STX8: variants seen among roughly 807,000 people sequenced by gnomAD.
STX8 encodes the protein syntaxin 8.
STX8 carries 23 observed loss-of-function variants against 37.5 expected under a neutral mutation model. The ratio of observed to expected loss-of-function variants is 0.61; its 90% CI spans 0.44 to 0.87. The LOEUF is 0.87. Among genes scored for constraint, STX8 ranks in the 40% least tolerant of loss-of-function variants. The pLI is 0.00. For missense variants in STX8, 313 were observed against 284.7 expected, an observed-to-expected ratio of 1.10 and a Z score of -0.71; for synonymous variants, 115 against 99.1, an observed-to-expected ratio of 1.16 and a Z score of -0.95.
intron 6 of STX8, among the ~76,000 whole-genome samples, chr17:9,396,319 G>A (rs1052304929): frequency 2.0e-5 from 3 of 148,566 alleles, no homozygotes; most frequent in African/African-American, 7.5e-5. Flanking sequence ...GTTGCCAGGA[G>A]TTTGGGAGAA....
chr17:9,397,960 C>G (rs1404744967), intron 6 of STX8, among the ~76,000 whole-genome samples: 4 of 146,944 alleles, frequency 2.7e-5, no homozygotes, highest in African/African-American at 1.0e-4. Context: ...TGCACTCCAG[C>G]CTGGGGGACA....
intron 6 of STX8, among the ~76,000 whole-genome samples, chr17:9,432,215 G>C (rs185967349): frequency 1.2e-4 from 18 of 151,684 alleles, no homozygotes; most frequent in Non-Finnish European, 2.6e-4. Flanking sequence ...TGTAAGTTTT[G>C]TGATGGTAAA....
At chr17:9,510,472 C>A (rs980948534) in intron 4 of STX8, among the ~76,000 whole-genome samples, 6 of 152,022 alleles carry the variant, frequency 3.9e-5, no homozygotes, top group Non-Finnish European at 7.4e-5. Context: ...GAGGAACATG[C>A]AAAATGATAC....
intron 6 of STX8, among the ~76,000 whole-genome samples, chr17:9,443,943 C>A (rs1253523021): frequency 6.6e-6 from 1 of 152,184 alleles, no homozygotes. Context: ...TCCACTTTGC[C>A]TGGCCCTTTT....
In STX8 at chr17:9,430,649, CTT is replaced by C. The variant is rs34803730; in HGVS notation, c.542-51998_542-51997del. ...GGACAGTTGGGCTCAGTGGTTTTGG[CTT>C]TTTTTTTTTTTTTTTTGAGACAGAG... is the stretch of plus-strand genomic sequence containing the variant. On this transcript the variant is annotated intron_variant, in intron 6 of 7. Coordinates refer to ENST00000306357, the MANE Select transcript of STX8 (RefSeq NM_004853.3). 1.5e-3 allele frequency among the ~76,000 whole-genome samples: 183 copies of C among 120,842 alleles called. 1 individual carries two copies. Among genetic ancestry groups the C allele is most frequent in the African/African-American group, 2.4e-3 (81 of 33,528 alleles). 79.3% of individuals were successfully genotyped at this position (120,842 alleles called of 152,430 possible).
At chr17:9,569,401 G>A (rs904924684) in intron 1 of STX8, 1 of 154,558 alleles carries the variant, frequency 6.5e-6, no homozygotes, top group African/African-American at 2.4e-5. Flanking sequence ...GAAGAAGCTG[G>A]GCTTGCAGAT....
At chr17:9,385,010 C>T (rs1318241725) in intron 6 of STX8, among the ~76,000 whole-genome samples, 1 of 143,894 alleles carries the variant, frequency 6.9e-6, no homozygotes, top group Non-Finnish European at 1.5e-5. Flanking sequence ...TGTAAAGCTT[C>T]TAAAAGAAAA....
intron 6 of STX8, among the ~76,000 whole-genome samples, chr17:9,424,429 C>G (rs559574673): frequency 4.9e-4 from 74 of 152,200 alleles, no homozygotes; most frequent in African/African-American, 1.7e-3. Flanking sequence ...GGCAAACAGT[C>G]AACCCACTAC....
At chr17:9,301,079 G>A (rs901808495) in intron 7 of STX8, among the ~76,000 whole-genome samples, 7 of 151,812 alleles carry the variant, frequency 4.6e-5, no homozygotes, top group South Asian at 2.1e-4. Context: ...TGATCCACCC[G>A]CCTCGGCCTC....
rs570187445 is a variant in STX8 at position 9,423,388 on chromosome 17, C to T, written c.542-44735G>A. Among the ~76,000 whole-genome samples, 7 of 152,312 alleles carry T rather than the reference C, an allele frequency of 4.6e-5. No individual in the cohort carries two copies. The East Asian group carries it at 5.8e-4, about 13-fold the overall frequency. ...TCACCCAGGCTGGAATGCAGTGGCACGATCTCAGCTCACTGCAACCTCTGC... is the reference window on the plus strand; with the variant it reads ...TCACCCAGGCTGGAATGCAGTGGCATGATCTCAGCTCACTGCAACCTCTGC... On this transcript the variant is annotated intron_variant, in intron 6 of 7. Coordinates refer to ENST00000306357, the MANE Select transcript of STX8 (RefSeq NM_004853.3).
At chr17:9,384,832 G>A (rs1326865688) in intron 6 of STX8, among the ~76,000 whole-genome samples, 4 of 145,512 alleles carry the variant, frequency 2.7e-5, no homozygotes, top group African/African-American at 8.1e-5. Flanking sequence ...ATGCACACAC[G>A]CACGTGCTCA....
At chr17:9,528,409 G>A (rs931803328) in intron 4 of STX8, among the ~76,000 whole-genome samples, 6 of 152,106 alleles carry the variant, frequency 3.9e-5, no homozygotes, top group Non-Finnish European at 5.9e-5. Flanking sequence ...GCGATTCTCC[G>A]GCCTTAGCCT....
intron 6 of STX8, among the ~76,000 whole-genome samples, chr17:9,445,930 C>T (rs892006589): frequency 2.4e-4 from 36 of 151,204 alleles, no homozygotes; most frequent in African/African-American, 5.8e-4. Context: ...CTCTGCCTCC[C>T]GGGTTCACGC....
chr17:9,365,732 G>A (rs1358839333), intron 7 of STX8, among the ~76,000 whole-genome samples: 2 of 152,254 alleles, frequency 1.3e-5, no homozygotes, highest in Non-Finnish European at 2.9e-5. Flanking sequence ...CCAGCACTTC[G>A]GGAGGCCGAG....
chr17:9,450,128 G>A (rs566939205), intron 6 of STX8, among the ~76,000 whole-genome samples: 2 of 151,722 alleles, frequency 1.3e-5, no homozygotes, highest in Non-Finnish European at 2.9e-5. Context: ...ATCCAGGCTA[G>A]AGTGCAGTGG....
At chr17:9,471,839 T>C (rs1008029697) in intron 6 of STX8, among the ~76,000 whole-genome samples, 1 of 152,164 alleles carries the variant, frequency 6.6e-6, no homozygotes, top group Non-Finnish European at 1.5e-5. Context: ...CAGGAGCCTT[T>C]TCCCTTTGCT....
chr17:9,494,250 C>T (rs1303295235), intron 5 of STX8, among the ~76,000 whole-genome samples: 29 of 151,608 alleles, frequency 1.9e-4, no homozygotes, highest in Non-Finnish European at 4.0e-4. Context: ...CTCCTGACCT[C>T]GTGATCCGCC....
At chr17:9,525,829 G>A (rs555767225) in intron 4 of STX8, among the ~76,000 whole-genome samples, 5 of 152,298 alleles carry the variant, frequency 3.3e-5, no homozygotes, top group Non-Finnish European at 7.4e-5. Context: ...GTTCATTAAT[G>A]TCTATAGAAC....
At chr17:9,402,118 AT>A (rs55794115) in intron 6 of STX8, among the ~76,000 whole-genome samples, 19 of 129,450 alleles carry the variant, frequency 1.5e-4, no homozygotes, top group East Asian at 1.2e-3. Flanking sequence ...TTATTTATTT[AT>A]TTATTATTAT....
Sources: gnomAD v4.1 joint callset for allele counts (sites outside exome capture counted in the v4.1 genomes callset) on GRCh38, gnomAD v4.1.1 for gene constraint, MANE v1.5 for transcripts, NCBI Gene and HGNC (gene_info 2026-07-23, HGNC 2026-07-21) for gene names.